The following PRCC variants were observed in gnomAD, a reference collection of about 807,000 sequenced individuals.
PRCC encodes proline rich mitotic checkpoint control factor.
In PRCC, 10 loss-of-function variants were observed where a neutral mutation model predicts 44.0. That is an observed-to-expected ratio of 0.23 (90% confidence interval 0.14 to 0.39). The LOEUF (loss-of-function observed/expected upper bound fraction) is 0.39. Ranked by LOEUF, PRCC falls within the 10% of genes least tolerant of loss-of-function variation. The pLI is 1.00. For missense variants in PRCC, 573 were observed against 624.7 expected (o/e 0.92, Z 0.88); for synonymous variants, 278 against 259.5 (o/e 1.07, Z -0.69).
At chr1:156,791,345 A>T in intron 3 of PRCC, 1 of 488,094 alleles carries the variant, frequency 2.0e-6, no homozygotes, top group Admixed American at 2.8e-5. Flanking sequence ...GAGCAGGAGG[A>T]GCAGGGCTGA....
chr1:156,776,263 G>A (rs972342530), intron 1 of PRCC, among the ~76,000 whole-genome samples: 2 of 152,184 alleles, frequency 1.3e-5, no homozygotes, highest in Non-Finnish European at 2.9e-5. Context: ...CCAGCTACCT[G>A]GGAGGCTGAG....
Position 156,786,712 on chromosome 1 carries a change from A to T in PRCC, c.621A>T (p.Lys207Asn). The T allele has an allele frequency of 6.2e-7, 1 of 1,614,008 alleles. No individual in the cohort carries two copies. Among genetic ancestry groups the T allele is most frequent in the African/African-American group, 1.3e-5 (1 of 74,960 alleles). ...RLLLPHAFSRKPSDGSPDTKP... is the reference protein window; with the variant it reads ...RLLLPHAFSRNPSDGSPDTKP... ...TCCTGCCCCATGCCTTCTCCCGCAA[A>T]CCCTCGGATGGCTCCCCTGATACTA... Residue 207 changes from lysine (K) to asparagine (N), a missense_variant, in exon 3 of 7, where the codon AAA (lysine) becomes AAT (asparagine). Coordinates refer to ENST00000271526, the MANE Select transcript of PRCC (RefSeq NM_005973.5).
rs1346014819 is a variant in PRCC, at chr1:156,797,329, T to C, written c.1377T>C (p.Tyr459=). The C allele has an allele frequency of 1.9e-6, 3 of 1,614,178 alleles. No individual in the cohort carries two copies. In the East Asian group the frequency reaches 6.7e-5, roughly 36 times the overall value. Reference sequence around the variant, plus strand: ...AGCGGCGGAAACACCAGATCACATATCTTATTCATCAGGTGAGAGACAGCT... The same window carrying C: ...AGCGGCGGAAACACCAGATCACATACCTTATTCATCAGGTGAGAGACAGCT... ...GQQRRKHQIT[Y]LIHQAKEREL... Residue 459 remains tyrosine (Y), a synonymous_variant, in exon 6 of 7, where the codon TAT becomes TAC. Transcript: ENST00000271526.
In PRCC at chr1:156,785,897, C is replaced by T. The variant is rs529789289; in HGVS notation, c.517-711C>T. On this transcript the variant is annotated intron_variant, in intron 2 of 6. Transcript: ENST00000271526. ...CATGATCTCGGCTCACTGCAACCTCCGCTTCCTGGGTTCAAGCGATTCTTC... is the reference window on the plus strand; with the variant it reads ...CATGATCTCGGCTCACTGCAACCTCTGCTTCCTGGGTTCAAGCGATTCTTC... Among the ~76,000 whole-genome samples the T allele has an allele frequency of 1.3e-4, 19 of 151,540 alleles. No individual in the cohort carries two copies. In the South Asian group the frequency reaches 1.5e-3, roughly 12 times the overall value.
chr1:156,794,156 C>T (rs887551238), intron 4 of PRCC, among the ~76,000 whole-genome samples: 3 of 151,890 alleles, frequency 2.0e-5, no homozygotes, highest in African/African-American at 7.3e-5. Context: ...GAGGTTTCTC[C>T]ATGTTGGTCA....
At chr1:156,793,871 T>G (rs1307990903) in intron 4 of PRCC, among the ~76,000 whole-genome samples, 1 of 151,894 alleles carries the variant, frequency 6.6e-6, no homozygotes, top group East Asian at 1.9e-4. Flanking sequence ...CAAGTGATCC[T>G]TCCACCTTGC....
chr1:156,770,059 A>G (rs1470916367), intron 1 of PRCC, among the ~76,000 whole-genome samples: 5 of 152,250 alleles, frequency 3.3e-5, no homozygotes, highest in African/African-American at 1.2e-4. Flanking sequence ...ACAAATAAAA[A>G]CAGTCTACAT....
Position 156,787,086 on chromosome 1 carries a change from C to T in PRCC, c.995C>T (p.Ala332Val). 1 of 1,614,156 alleles carries T rather than the reference C, an allele frequency of 6.2e-7. No individual in the cohort carries two copies. Among genetic ancestry groups the T allele is most frequent in the East Asian group, 2.2e-5 (1 of 44,886 alleles). ...AAGATGGCAGCAGGTTCAAGTGGGG[C>T]CCCTTGGATGCCTAAGCCTGGGGAC... ...EFKMAAGSSG[A>V]PWMPKPGDDY... is the part of the protein sequence containing the mutation. Residue 332 changes from alanine to valine, a missense_variant, in exon 3 of 7, where the codon GCC becomes GTC. Around this residue, in one of 4 missense-constraint regions of PRCC, gnomAD observed 141 missense variants for 130.2 expected, o/e 1.08. Coordinates refer to ENST00000271526, the MANE Select transcript of PRCC (RefSeq NM_005973.5).
At chr1:156,789,622 TA>T (rs1386894503) in intron 3 of PRCC, among the ~76,000 whole-genome samples, 1 of 151,898 alleles carries the variant, frequency 6.6e-6, no homozygotes, top group Non-Finnish European at 1.5e-5. Flanking sequence ...ATAAAGAGAA[TA>T]AAAAAATTAA....
chr1:156,774,194 G>A (rs1474968336), intron 1 of PRCC, among the ~76,000 whole-genome samples: 1 of 18,470 alleles, frequency 5.4e-5, no homozygotes, highest in African/African-American at 2.1e-4. Flanking sequence ...TTTTTTTTTT[G>A]AGACAGAGTC....
chr1:156,796,053 AGGACTGTG>A (rs1652652713), intron 5 of PRCC: 1 of 152,230 alleles, frequency 6.6e-6, no homozygotes, highest in Non-Finnish European at 1.5e-5. Flanking sequence ...GACAGAGCAA[AGGACTGTG>A]GTTAGATCAG....
intron 1 of PRCC, among the ~76,000 whole-genome samples, chr1:156,777,031 T>C (rs1412024846): frequency 6.6e-6 from 1 of 152,256 alleles, no homozygotes; most frequent in Admixed American, 6.5e-5. Context: ...TTTAGAATTT[T>C]AGTTTGTATC....
chr1:156,788,697 C>T (rs1354713337), intron 3 of PRCC, among the ~76,000 whole-genome samples: 2 of 131,294 alleles, frequency 1.5e-5, no homozygotes, highest in East Asian at 2.3e-4. Context: ...GAGTCTCGCT[C>T]TGTCGCCCAG....
Position 156,768,040 on chromosome 1 carries a change from TC to T in PRCC, c.275del (p.Pro92HisfsTer5). 2 of 1,577,274 alleles carry T rather than the reference TC, an allele frequency of 1.3e-6. No homozygotes were observed. Among genetic ancestry groups the T allele is most frequent in the Non-Finnish European group, 1.7e-6 (2 of 1,160,404 alleles). On this transcript the variant is annotated frameshift_variant, in exon 1 of 7. Coordinates refer to ENST00000271526, the MANE Select transcript of PRCC (RefSeq NM_005973.5). LOFTEE classifies it high-confidence loss of function. ...PPPLPFGLGG[F>X]PPPPGVSPAE... ...CCCTTGCCCTTCGGCCTGGGAGGCT[TC>T]CCCCCACCTCCAGGCGTGAGCCCGG... is the stretch of plus-strand genomic sequence containing the variant.
At chr1:156,795,617 GGCTCA>G (rs1366904551) in intron 5 of PRCC, among the ~76,000 whole-genome samples, 14 of 152,148 alleles carry the variant, frequency 9.2e-5, no homozygotes, top group South Asian at 6.2e-4. Context: ...GCTGGGACCT[GGCTCA>G]GCACATTTTT....
At chr1:156,793,243 A>G (rs543986412) in intron 4 of PRCC, among the ~76,000 whole-genome samples, 7 of 152,312 alleles carry the variant, frequency 4.6e-5, no homozygotes, top group Non-Finnish European at 7.4e-5. Flanking sequence ...TTGGGAACCA[A>G]CTAAGCCTAG....
At chr1:156,779,126 ATATTTTTTTTTT>A (rs1651946129) in intron 1 of PRCC, among the ~76,000 whole-genome samples, 2 of 29,330 alleles carry the variant, frequency 6.8e-5, no homozygotes, top group Non-Finnish European at 1.2e-4. Flanking sequence ...ATATATATAT[ATATTTTTTTTTT>A]TTTTTTTTTT....
intron 1 of PRCC, among the ~76,000 whole-genome samples, chr1:156,775,330 C>T (rs1460617313): frequency 1.4e-4 from 21 of 151,730 alleles, no homozygotes; most frequent in Non-Finnish European, 4.4e-5. Context: ...TCAAGTGATC[C>T]TCCTGCCTCA....
chr1:156,784,542 G>T (rs928172702), intron 2 of PRCC, among the ~76,000 whole-genome samples: 3 of 152,316 alleles, frequency 2.0e-5, no homozygotes, highest in Admixed American at 6.5e-5. Flanking sequence ...TAGCCTGAGG[G>T]TGTGCTCCGC....
Sources: allele counts gnomAD v4.1 joint callset (sites outside exome capture counted in the v4.1 genomes callset), GRCh38; gene constraint gnomAD v4.1.1; regional missense constraint gnomAD v4.1.1; transcripts MANE v1.5; gene names NCBI Gene and HGNC (gene_info 2026-07-23, HGNC 2026-07-21).